The following GULP1 variants were observed in gnomAD, a reference collection of about 807,000 sequenced individuals.
The protein encoded by GULP1 is PTB domain-containing engulfment adapter protein 1.
Under a neutral mutation model 40.9 loss-of-function variants are expected in GULP1, and 19 were observed. The observed-to-expected ratio is 0.46, with a 90% CI of 0.32 to 0.68. The LOEUF is 0.68. Among genes scored for constraint, GULP1 ranks in the 30% least tolerant of loss-of-function variants. The pLI, the probability that GULP1 is intolerant of heterozygous loss-of-function variation, is 0.03. For synonymous variants in GULP1, 119 were observed against 117.6 expected, an observed-to-expected ratio of 1.01 and a Z score of -0.08; for missense variants, 312 against 362.2, an observed-to-expected ratio of 0.86 and a Z score of 1.12.
intron 2 of GULP1, among the ~76,000 whole-genome samples, chr2:188,476,331 T>C (rs917968704): frequency 1.3e-5 from 2 of 152,122 alleles, no homozygotes; most frequent in Admixed American, 6.6e-5. Flanking sequence ...CATGCAGAGC[T>C]TTTGGTCTCT....
intron 1 of GULP1, among the ~76,000 whole-genome samples, chr2:188,379,592 G>A (rs2048747939): frequency 2.0e-5 from 3 of 151,966 alleles, no homozygotes; most frequent in African/African-American, 7.3e-5. Flanking sequence ...TTGGCAATAT[G>A]ATCTTCCTAA....
intron 1 of GULP1, among the ~76,000 whole-genome samples, chr2:188,318,988 G>A (rs553506454): frequency 3.9e-5 from 6 of 152,134 alleles, no homozygotes; most frequent in Admixed American, 6.6e-5. Flanking sequence ...GCCCTGCATC[G>A]AATACATTAT....
chr2:188,390,215 T>C (rs557810989), intron 2 of GULP1, among the ~76,000 whole-genome samples: 2 of 152,278 alleles, frequency 1.3e-5, no homozygotes, highest in East Asian at 1.9e-4. Flanking sequence ...TCCATAGATA[T>C]TGTACTGATT....
chr2:188,381,870 C>A (rs1169690505), intron 1 of GULP1, among the ~76,000 whole-genome samples: 6 of 152,128 alleles, frequency 3.9e-5, no homozygotes. Context: ...ACAACCCTTA[C>A]ATTTTACAGC....
intron 2 of GULP1, among the ~76,000 whole-genome samples, chr2:188,411,156 C>T: frequency 6.6e-6 from 1 of 152,130 alleles, no homozygotes; most frequent in East Asian, 1.9e-4. Flanking sequence ...CAGCACCCTT[C>T]TTGGTGTCTG....
intron 2 of GULP1, among the ~76,000 whole-genome samples, chr2:188,393,065 A>G (rs1368709336): frequency 1.3e-5 from 2 of 151,802 alleles, no homozygotes; most frequent in Non-Finnish European, 2.9e-5. Context: ...TGTTTTTTGG[A>G]TAGAATGTTC....
intron 1 of GULP1, among the ~76,000 whole-genome samples, chr2:188,317,516 T>C (rs1040783193): frequency 2.6e-5 from 4 of 152,114 alleles, no homozygotes; most frequent in Non-Finnish European, 5.9e-5. Context: ...CATAGATTTA[T>C]CTCTTATATC....
At position 188,392,340 on chromosome 2, in the gene GULP1, G is replaced by C. The variant is rs192638207; in HGVS notation, c.-45+8451G>C. 1.3e-3 allele frequency among the ~76,000 whole-genome samples: 203 copies of C among 152,040 alleles called. 1 individual carries two copies. Among genetic ancestry groups the C allele is most frequent in the African/African-American group, 4.7e-3 (195 of 41,544 alleles). ...TTGATTTAATCTAGAAGAGTTGTAT[G>C]TTTTCAGGAATTTGTCCATTTTCTC... is the stretch of plus-strand genomic sequence containing the variant. On this transcript the variant is annotated intron_variant, in intron 2 of 11. Transcript: ENST00000409830.
At chr2:188,529,283 C>T in intron 6 of GULP1, 88 bp downstream of exon 6, 2 of 671,396 alleles carry the variant, frequency 3.0e-6, no homozygotes, top group Non-Finnish European at 2.6e-6. Flanking sequence ...TTTTTTGCCA[C>T]CCTGAACTGT....
chr2:188,436,872 G>A, intron 2 of GULP1, among the ~76,000 whole-genome samples: 1 of 151,926 alleles, frequency 6.6e-6, no homozygotes, highest in East Asian at 1.9e-4. Context: ...TATTTTAATA[G>A]GTGCTGTATA....
intron 4 of GULP1, among the ~76,000 whole-genome samples, chr2:188,506,169 T>G (rs1416527039): frequency 6.6e-6 from 1 of 151,904 alleles, no homozygotes; most frequent in African/African-American, 2.4e-5. Flanking sequence ...CCTTTTGTCT[T>G]TTAATTTTAA....
intron 2 of GULP1, among the ~76,000 whole-genome samples, chr2:188,473,343 G>A (rs1267127097): frequency 2.6e-5 from 4 of 152,164 alleles, no homozygotes; most frequent in African/African-American, 9.7e-5. Context: ...AAGCCAGCTA[G>A]GCCTCTGTCC....
At chr2:188,296,351 T>G (rs2034929624) in intron 1 of GULP1, among the ~76,000 whole-genome samples, 1 of 152,076 alleles carries the variant, frequency 6.6e-6, no homozygotes, top group African/African-American at 2.4e-5. Context: ...AAACAATGCT[T>G]ATACTGTTTT....
intron 1 of GULP1, among the ~76,000 whole-genome samples, chr2:188,355,428 A>G (rs1483084870): frequency 3.3e-5 from 5 of 152,096 alleles, no homozygotes; most frequent in Non-Finnish European, 7.4e-5. Flanking sequence ...TGGAAAACCT[A>G]GAGGAAATGG....
intron 2 of GULP1, among the ~76,000 whole-genome samples, chr2:188,444,683 A>G (rs1215280959): frequency 1.3e-5 from 2 of 152,202 alleles, no homozygotes; most frequent in African/African-American, 2.4e-5. Flanking sequence ...TCCTCAGCAT[A>G]TAACTGGGCT....
intron 1 of GULP1, among the ~76,000 whole-genome samples, chr2:188,376,042 T>C (rs982889231): frequency 6.6e-6 from 1 of 152,062 alleles, no homozygotes; most frequent in Non-Finnish European, 1.5e-5. Context: ...CATTTGAGTT[T>C]GATTTCAGAT....
At chr2:188,335,764 T>G (rs541045478) in intron 1 of GULP1, among the ~76,000 whole-genome samples, 2 of 152,336 alleles carry the variant, frequency 1.3e-5, no homozygotes, top group South Asian at 4.1e-4. Flanking sequence ...TCTTTGGAGA[T>G]GGCAATTAAA....
At chr2:188,462,590 G>C (rs996055861) in intron 2 of GULP1, among the ~76,000 whole-genome samples, 6 of 151,884 alleles carry the variant, frequency 4.0e-5, no homozygotes, top group Admixed American at 3.9e-4. Context: ...CATATATCTG[G>C]GTGCTCCAGT....
chr2:188,483,578 G>T, intron 4 of GULP1, 86 bp downstream of exon 4: 2 of 512,608 alleles, frequency 3.9e-6, no homozygotes, highest in Non-Finnish European at 3.5e-6. Flanking sequence ...CTTATGTATT[G>T]ACATTTCCTG....
Sources: gnomAD v4.1 joint callset for allele counts (sites outside exome capture counted in the v4.1 genomes callset) on GRCh38, gnomAD v4.1.1 for gene constraint, MANE v1.5 for transcripts, NCBI Gene and HGNC (gene_info 2026-07-23, HGNC 2026-07-21) for gene names.